RUNX1T1: variants seen among roughly 807,000 people sequenced by gnomAD.
RUNX1T1 encodes RUNX1 partner transcriptional co-repressor 1.
RUNX1T1 carries 4 observed loss-of-function variants against 62.8 expected under a neutral mutation model. The observed-to-expected ratio is 0.06, with a 90% CI of 0.03 to 0.15. RUNX1T1 has a LOEUF of 0.15. Ranked by LOEUF, RUNX1T1 falls within the 10% of genes least tolerant of loss-of-function variation. The pLI is 1.00. For missense variants in RUNX1T1, 508 were observed against 754.3 expected (o/e 0.67, Z 3.82); for synonymous variants, 291 against 286.0 (o/e 1.02, Z -0.18).
At chr8:92,033,869 T>C (rs1013049720) in intron 1 of RUNX1T1, among the ~76,000 whole-genome samples, 3 of 152,146 alleles carry the variant, frequency 2.0e-5, no homozygotes, top group African/African-American at 4.8e-5. Flanking sequence ...ACTAGGAGGC[T>C]GAGGCAGAAG....
intron 9 of RUNX1T1, among the ~76,000 whole-genome samples, chr8:91,973,077 T>C (rs1261181769): frequency 2.0e-5 from 3 of 151,986 alleles, no homozygotes; most frequent in East Asian, 3.9e-4. Flanking sequence ...TGTGAAAGAT[T>C]TGCATAGGGT....
intron 8 of RUNX1T1, chr8:91,979,875 A>C: frequency 1.9e-6 from 1 of 531,874 alleles, no homozygotes; most frequent in East Asian, 4.0e-5. Context: ...ATGTGACCTC[A>C]TATGACCCAG....
chr8:91,996,889 A>G (rs1201987817), intron 5 of RUNX1T1, among the ~76,000 whole-genome samples: 1 of 151,382 alleles, frequency 6.6e-6, no homozygotes, highest in Non-Finnish European at 1.5e-5. Flanking sequence ...TGGGAGGGTG[A>G]GGTAGGTGGA....
exon 6 of RUNX1T1, chr8:91,991,726 A>T: frequency 6.2e-7 from 1 of 1,614,078 alleles, no homozygotes; most frequent in Non-Finnish European, 8.5e-7. Context: ...ATATCATCCA[A>T]ACGGTAATGC....
chr8:92,095,018 G>T (rs1034481541), intron 1 of RUNX1T1: 64 of 1,531,672 alleles, frequency 4.2e-5, no homozygotes, highest in Non-Finnish European at 5.1e-5. Context: ...AGGCCCTCCG[G>T]TATTCTCACC....
At chr8:92,103,242 T>C (rs1178582145), upstream of RUNX1T1, 9 of 252,892 alleles carry the variant, frequency 3.6e-5, no homozygotes, top group African/African-American at 8.8e-5. Flanking sequence ...GCGCAGGGAA[T>C]TGCCACTGTC....
intron 2 of RUNX1T1, among the ~76,000 whole-genome samples, chr8:92,073,361 TCCCACCCTCCTGCCC>T (rs777957734): frequency 3.8e-4 from 58 of 152,078 alleles, no homozygotes; most frequent in Non-Finnish European, 6.5e-4. Context: ...TAGTATCATT[TCCCACCCTCCTGCCC>T]CCCAGCCTCT....
exon 6 of RUNX1T1, chr8:91,991,655 G>C (rs752361639): frequency 6.8e-6 from 11 of 1,613,748 alleles, no homozygotes; most frequent in Non-Finnish European, 9.3e-6. Flanking sequence ...GTCTGTTTCT[G>C]TCCCTGAGGT....
At chr8:91,997,607 A>T (rs1818952767) in intron 5 of RUNX1T1, among the ~76,000 whole-genome samples, 1 of 152,182 alleles carries the variant, frequency 6.6e-6, no homozygotes, top group Non-Finnish European at 1.5e-5. Flanking sequence ...CCGAGTAGAA[A>T]CTTGAAGTCA....
intron 1 of RUNX1T1, among the ~76,000 whole-genome samples, chr8:92,032,170 A>G (rs943166746): frequency 6.6e-6 from 1 of 151,120 alleles, no homozygotes; most frequent in African/African-American, 2.4e-5. Flanking sequence ...ACATGAATAG[A>G]TGGCCAACAC....
intron 5 of RUNX1T1, among the ~76,000 whole-genome samples, chr8:91,993,898 A>G (rs1402401006): frequency 1.3e-5 from 2 of 152,148 alleles, no homozygotes; most frequent in Non-Finnish European, 2.9e-5. Context: ...AGGCTGAGGC[A>G]GGAGAATCAC....
At chr8:92,091,400 A>G (rs2339457) in intron 1 of RUNX1T1, among the ~76,000 whole-genome samples, 129,608 of 152,214 alleles carry the variant, frequency 0.85, 55,638 homozygotes, top group East Asian at 0.99. Context: ...AAGCTCTTTC[A>G]AACAAGCAGG....
downstream of RUNX1T1, chr8:91,956,990 G>GA (rs911913545): frequency 3.1e-3 from 503 of 162,560 alleles, no homozygotes; most frequent in East Asian, 7.3e-3. Context: ...AAAAATTTAA[G>GA]AAAAAAAAAA....
intron 10 of RUNX1T1, among the ~76,000 whole-genome samples, chr8:91,963,275 C>A (rs1810904205): frequency 6.6e-6 from 1 of 152,072 alleles, no homozygotes; most frequent in African/African-American, 2.4e-5. Context: ...TTACCACCCA[C>A]CACTGGGACA....
intron 1 of RUNX1T1, among the ~76,000 whole-genome samples, chr8:92,051,855 C>CA (rs1200017260): frequency 1.3e-5 from 2 of 151,022 alleles, no homozygotes; most frequent in Admixed American, 6.6e-5. Context: ...CATGTCCCAT[C>CA]AAACCTCAAG....
At chr8:91,982,654 C>T (rs187825661) in intron 8 of RUNX1T1, among the ~76,000 whole-genome samples, 5 of 152,136 alleles carry the variant, frequency 3.3e-5, no homozygotes, top group Non-Finnish European at 5.9e-5. Context: ...AAAATAGAGA[C>T]AGCAGTGTTA....
intron 1 of RUNX1T1, among the ~76,000 whole-genome samples, chr8:92,092,518 G>A (rs1015563969): frequency 6.6e-6 from 1 of 152,110 alleles, no homozygotes; most frequent in Admixed American, 6.5e-5. Flanking sequence ...ACATTTGCAG[G>A]TATATTAAAG....
At chr8:92,021,329 T>C (rs959452236) in intron 1 of RUNX1T1, among the ~76,000 whole-genome samples, 5 of 152,146 alleles carry the variant, frequency 3.3e-5, no homozygotes, top group Admixed American at 1.3e-4. Flanking sequence ...AATGATGCTA[T>C]GTAGTGACTC....
At chr8:91,975,188 G>T (rs977679796) in intron 9 of RUNX1T1, among the ~76,000 whole-genome samples, 2 of 152,162 alleles carry the variant, frequency 1.3e-5, no homozygotes, top group African/African-American at 4.8e-5. Flanking sequence ...CTTGCTAGGT[G>T]GTTCCACCAA....
Sources: gnomAD v4.1 joint callset for allele counts (sites outside exome capture counted in the v4.1 genomes callset) on GRCh38, gnomAD v4.1.1 for gene constraint, MANE v1.5 for transcripts, NCBI Gene and HGNC (gene_info 2026-07-23, HGNC 2026-07-21) for gene names.